The following HIVEP1 variants were observed in gnomAD, a reference collection of about 807,000 sequenced individuals.
The protein encoded by HIVEP1 is zinc finger protein 40.
Under a neutral mutation model 180.0 loss-of-function variants are expected in HIVEP1, and 36 were observed. The observed-to-expected ratio is 0.20, with a 90% CI of 0.15 to 0.26. The LOEUF is 0.26. Ranked by LOEUF, HIVEP1 falls within the 10% of genes least tolerant of loss-of-function variation. The pLI, the probability that HIVEP1 is intolerant of heterozygous loss-of-function variation, is 1.00. For synonymous variants in HIVEP1, 1,239 were observed against 1,239.0 expected, an observed-to-expected ratio of 1.00 and a Z score of 0.00; for missense variants, 3,143 against 3,268.7, an observed-to-expected ratio of 0.96 and a Z score of 0.94.
At chr6:12,184,022 T>TAGATAGATAGATAGATAGAC in the HIVEP1 span, among the ~76,000 whole-genome samples, 27 of 101,970 alleles carry the variant, frequency 2.6e-4, no homozygotes, top group Middle Eastern at 4.5e-3. Context: ...GATAGATAGA[T>TAGATAGATAGATAGATAGAC]AGACAGACAG....
intron 2 of HIVEP1, among the ~76,000 whole-genome samples, chr6:12,082,953 T>A (rs1057391615): frequency 1.3e-5 from 2 of 152,210 alleles, no homozygotes; most frequent in African/African-American, 4.8e-5. Context: ...CAACATTTTT[T>A]AAAAGATAAT....
downstream of HIVEP1, among the ~76,000 whole-genome samples, chr6:12,169,467 A>T (rs961902204): frequency 3.9e-5 from 6 of 152,146 alleles, no homozygotes; most frequent in Non-Finnish European, 8.8e-5. Flanking sequence ...AAAATCCAGT[A>T]ATAATTTAAG....
chr6:12,111,292 A>T lies in HIVEP1; in HGVS notation c.95-8598A>T, dbSNP rs534522003. 2.6e-5 allele frequency among the ~76,000 whole-genome samples: 4 copies of T among 152,356 alleles called. No individual in the cohort carries two copies. In the East Asian group the frequency reaches 7.7e-4, roughly 29 times the overall value. On this transcript the variant is annotated intron_variant, in intron 3 of 8. Coordinates refer to ENST00000379388, the MANE Select transcript of HIVEP1 (RefSeq NM_002114.4). ...CATGCAGAGTTGCCACAAACCCTTAATGCAAAAAGCACAGTATCTGCGAAG... is the reference window on the plus strand; with the variant it reads ...CATGCAGAGTTGCCACAAACCCTTATTGCAAAAAGCACAGTATCTGCGAAG...
chr6:12,185,330 A>G, the HIVEP1 span, among the ~76,000 whole-genome samples: 1 of 152,252 alleles, frequency 6.6e-6, no homozygotes, highest in Non-Finnish European at 1.5e-5. Context: ...TTGAAGAGGC[A>G]TATCCAGAGA....
chr6:12,130,897 C>T lies in HIVEP1; in HGVS notation c.6340C>T (p.Arg2114Cys), dbSNP rs771107944. 3 of 1,612,558 alleles carry T rather than the reference C, an allele frequency of 1.9e-6. No individual in the cohort carries two copies. Among genetic ancestry groups the T allele is most frequent in the Non-Finnish European group, 2.5e-6 (3 of 1,178,840 alleles). Reference protein sequence around the residue: ...KKHIRTHTDVRPYHCTYCNFS... With the variant: ...KKHIRTHTDVCPYHCTYCNFS... ...ACACATACGAACCCATACAGATGTC[C>T]GCCCCTACCACTGCACTTACTGTAA... Residue 2114 changes from arginine (R) to cysteine (C), a missense_variant, in exon 6 of 9, where the codon CGC becomes TGC. This residue lies in a region of HIVEP1 where 126 missense variants were observed against 168.5 expected (regional missense o/e 0.75). Coordinates refer to ENST00000379388, the MANE Select transcript of HIVEP1 (RefSeq NM_002114.4).
chr6:12,126,951 G>A (rs183845386), intron 4 of HIVEP1, among the ~76,000 whole-genome samples: 114 of 152,028 alleles, frequency 7.5e-4, no homozygotes, highest in African/African-American at 2.6e-3. Flanking sequence ...CTCCCCTCCC[G>A]GGTTCAAGCA....
chr6:12,191,594 AAAAAAT>A, the HIVEP1 span, among the ~76,000 whole-genome samples: 3 of 152,194 alleles, frequency 2.0e-5, no homozygotes, highest in African/African-American at 4.8e-5. Flanking sequence ...CTCTGTCTAA[AAAAAAT>A]AAAAATAAAA....
chr6:12,209,800 A>G, the HIVEP1 span, among the ~76,000 whole-genome samples: 2 of 152,226 alleles, frequency 1.3e-5, no homozygotes, highest in African/African-American at 4.8e-5. Context: ...TTCATGGTTA[A>G]AATAAAAATA....
At chr6:12,056,902 T>A (rs909230507) in intron 2 of HIVEP1, among the ~76,000 whole-genome samples, 2 of 152,042 alleles carry the variant, frequency 1.3e-5, no homozygotes, top group African/African-American at 2.4e-5. Flanking sequence ...AGTGGCATGA[T>A]CTTGGCTCAC....
chr6:12,030,463 T>C (rs1768868653), intron 2 of HIVEP1, among the ~76,000 whole-genome samples: 1 of 152,194 alleles, frequency 6.6e-6, no homozygotes, highest in Admixed American at 6.5e-5. Flanking sequence ...AATATCTCTT[T>C]AATTTTTTTC....
At chr6:12,143,339 T>A (rs1397088345) in intron 7 of HIVEP1, among the ~76,000 whole-genome samples, 1 of 152,204 alleles carries the variant, frequency 6.6e-6, no homozygotes, top group Non-Finnish European at 1.5e-5. Context: ...TCAATAGCCC[T>A]TCATGCTAAA....
intron 2 of HIVEP1, among the ~76,000 whole-genome samples, chr6:12,080,520 A>G (rs918900074): frequency 2.6e-5 from 4 of 152,194 alleles, no homozygotes; most frequent in Non-Finnish European, 5.9e-5. Context: ...TAGAAGGCTC[A>G]GTGTAACACA....
chr6:12,165,652 T>A (rs1760682076), downstream of HIVEP1, among the ~76,000 whole-genome samples: 1 of 152,240 alleles, frequency 6.6e-6, no homozygotes, highest in South Asian at 2.1e-4. Context: ...TGATTATAGA[T>A]GCTAGGTTTA....
chr6:12,110,251 A>G (rs1259792282), intron 3 of HIVEP1, among the ~76,000 whole-genome samples: 2 of 152,238 alleles, frequency 1.3e-5, no homozygotes, highest in East Asian at 3.8e-4. Context: ...TTCAACTTAA[A>G]GCCACCAGCT....
chr6:12,209,221 C>T, the HIVEP1 span, among the ~76,000 whole-genome samples: 1 of 152,204 alleles, frequency 6.6e-6, no homozygotes, highest in Admixed American at 6.5e-5. Flanking sequence ...ATCACAAGGT[C>T]AGGAGATCGA....
At chr6:12,206,009 G>A in the HIVEP1 span, among the ~76,000 whole-genome samples, 6 of 152,222 alleles carry the variant, frequency 3.9e-5, no homozygotes, top group South Asian at 4.2e-4. Context: ...CCTAATACCC[G>A]GTACCTCAAA....
chr6:12,139,193 C>T (rs775713350), intron 7 of HIVEP1, among the ~76,000 whole-genome samples: 4 of 152,162 alleles, frequency 2.6e-5, no homozygotes, highest in Non-Finnish European at 5.9e-5. Context: ...ACCAGGAGCT[C>T]TGTCTTCCTC....
intron 3 of HIVEP1, among the ~76,000 whole-genome samples, chr6:12,100,091 G>A (rs1469379762): frequency 2.6e-5 from 4 of 152,212 alleles, no homozygotes; most frequent in Admixed American, 1.3e-4. Context: ...GTGATAGTGT[G>A]AAGAACTGAG....
rs775542073 is a variant in HIVEP1 at position 12,125,341 on chromosome 6, T to G, written c.5546T>G (p.Ile1849Arg). ...SSTGCSKFVVIEPISELQEFE... is the reference protein window; with the variant it reads ...SSTGCSKFVVREPISELQEFE... ...ACAGGATGCTCTAAATTTGTCGTTA[T>G]AGAACCTATAAGTGAATTGCAGGAA... Residue 1849 changes from isoleucine (I) to arginine (R), a missense_variant, in exon 4 of 9, where the codon ATA (isoleucine) becomes AGA (arginine). Coordinates refer to ENST00000379388, the MANE Select transcript of HIVEP1 (RefSeq NM_002114.4). 1.2e-6 allele frequency: 2 copies of G among 1,614,210 alleles called. No individual in the cohort carries two copies. The highest frequency in any genetic ancestry group is 2.2e-5 in the East Asian group (1 of 44,890).
Sources: allele counts gnomAD v4.1 joint callset (sites outside exome capture counted in the v4.1 genomes callset), GRCh38; gene constraint gnomAD v4.1.1; regional missense constraint gnomAD v4.1.1; transcripts MANE v1.5; gene names NCBI Gene and HGNC (gene_info 2026-07-23, HGNC 2026-07-21).